Variants in SH3TC2 observed in about 807,000 individuals in gnomAD.
SH3TC2 encodes the protein SH3 domain and tetratricopeptide repeats 2.
A neutral mutation model predicts 124.5 loss-of-function variants in SH3TC2; 87 were observed. The ratio of observed to expected loss-of-function variants is 0.70; its 90% CI spans 0.59 to 0.84. The LOEUF is 0.84. Among genes scored for constraint, SH3TC2 ranks in the 40% least tolerant of loss-of-function variants. The pLI is 0.00. For missense variants in SH3TC2, 1,536 were observed against 1,566.4 expected (o/e 0.98, Z 0.33); for synonymous variants, 634 against 628.5 (o/e 1.01, Z -0.13).
At chr5:149,041,338 T>C in intron 6 of SH3TC2, 78 bp downstream of exon 6, 1 of 1,488,042 alleles carries the variant, frequency 6.7e-7, no homozygotes, top group South Asian at 1.2e-5. Flanking sequence ...TGCCCATATC[T>C]GAAAGCATGC....
chr5:149,013,586 G>A (rs895461219), intron 12 of SH3TC2, among the ~76,000 whole-genome samples: 1 of 152,154 alleles, frequency 6.6e-6, no homozygotes, highest in African/African-American at 2.4e-5. Flanking sequence ...AGATTTTGAT[G>A]TTTTGTTTAT....
At chr5:149,013,049 T>C (rs1161754887) in intron 12 of SH3TC2, among the ~76,000 whole-genome samples, 5 of 152,188 alleles carry the variant, frequency 3.3e-5, no homozygotes, top group Admixed American at 3.3e-4. Context: ...TGGCACCTGA[T>C]GAATGTTTAA....
In SH3TC2 at chr5:148,985,632, C is replaced by T. The variant is rs1410808990; in HGVS notation, c.*19079G>A. Among the ~76,000 whole-genome samples, 1 of 152,106 alleles carries T rather than the reference C, an allele frequency of 6.6e-6. No homozygotes were observed. Among genetic ancestry groups the T allele is most frequent in the Non-Finnish European group, 1.5e-5 (1 of 68,012 alleles). On this transcript the variant is annotated 3_prime_UTR_variant, in exon 17 of 17. Transcript: ENST00000515425. ...CCAGTTTGAAGACATTGGGTTGTTC[C>T]AATTTCTGGCAACTATGAATAAATC...
At chr5:149,061,926 T>C (rs1235466108) in intron 1 of SH3TC2, among the ~76,000 whole-genome samples, 4 of 152,086 alleles carry the variant, frequency 2.6e-5, no homozygotes, top group Non-Finnish European at 5.9e-5. Context: ...CTCCCTGCTG[T>C]AGGTGCCAAG....
chr5:149,061,820 G>A (rs1311675670), intron 1 of SH3TC2, among the ~76,000 whole-genome samples: 1 of 152,132 alleles, frequency 6.6e-6, no homozygotes, highest in African/African-American at 2.4e-5. Context: ...TAGGGGGAGG[G>A]ACTGAAAAGT....
intron 4 of SH3TC2, among the ~76,000 whole-genome samples, chr5:149,043,433 A>G (rs953879668): frequency 2.0e-5 from 3 of 152,202 alleles, no homozygotes; most frequent in Admixed American, 6.5e-5. Context: ...GGCTATAAAC[A>G]TGAACTACTC....
intron 16 of SH3TC2, 49 bp downstream of exon 16, chr5:149,006,832 G>C: frequency 6.4e-7 from 1 of 1,567,416 alleles, no homozygotes; most frequent in South Asian, 1.1e-5. Flanking sequence ...TCAGGAAGGA[G>C]AATGGTTGGG....
intron 7 of SH3TC2, among the ~76,000 whole-genome samples, 183 bp downstream of exon 7, chr5:149,040,421 G>A (rs1355387355): frequency 1.3e-5 from 2 of 152,096 alleles, no homozygotes; most frequent in Non-Finnish European, 2.9e-5. Flanking sequence ...CCCCTGGATT[G>A]AGACCTCTCA....
In SH3TC2 at chr5:149,004,072, G is replaced by T. The variant is rs546856196; in HGVS notation, c.*639C>A. Reference sequence around the variant, plus strand: ...GAAAGCTTCCCTGGAGCTTCTGGGAGGTTATGTGGGAGCACAGCCTTATGG... The same window carrying T: ...GAAAGCTTCCCTGGAGCTTCTGGGATGTTATGTGGGAGCACAGCCTTATGG... On this transcript the variant is annotated 3_prime_UTR_variant, in exon 17 of 17. Transcript: ENST00000515425. 1 of 197,264 alleles carries T rather than the reference G, an allele frequency of 5.1e-6. No homozygotes were observed. The highest frequency in any genetic ancestry group is 5.6e-5 in the Admixed American group (1 of 17,744). The allele number at this position is 197,264 out of a possible 1,614,324, so 12.2% of individuals were successfully genotyped here.
At chr5:149,059,787 A>T (rs946385941) in intron 1 of SH3TC2, among the ~76,000 whole-genome samples, 1 of 152,196 alleles carries the variant, frequency 6.6e-6, no homozygotes. Context: ...TATTAACTAC[A>T]TGGAGAGAGA....
intron 14 of SH3TC2, among the ~76,000 whole-genome samples, chr5:149,009,959 G>A (rs989598107): frequency 3.3e-5 from 5 of 152,122 alleles, no homozygotes; most frequent in Non-Finnish European, 5.9e-5. Flanking sequence ...AAACTCAAAA[G>A]TGTGCTGCAG....
In SH3TC2 at chr5:149,000,194, C is replaced by T. The variant is rs1364807967; in HGVS notation, c.*4517G>A. Reference sequence around the variant, plus strand: ...TACATAATATATCATTTGCCCCTTTCCTGTCACCCAGCTGAATCCCCACTT... The same window carrying T: ...TACATAATATATCATTTGCCCCTTTTCTGTCACCCAGCTGAATCCCCACTT... On this transcript the variant is annotated 3_prime_UTR_variant, in exon 17 of 17. Coordinates refer to ENST00000515425, the MANE Select transcript of SH3TC2 (RefSeq NM_024577.4). 6.6e-6 allele frequency among the ~76,000 whole-genome samples: 1 copy of T among 152,216 alleles called. No individual in the cohort carries two copies. Among genetic ancestry groups the T allele is most frequent in the Non-Finnish European group, 1.5e-5 (1 of 68,040 alleles).
At chr5:149,060,596 G>T (rs116177766) in intron 1 of SH3TC2, among the ~76,000 whole-genome samples, 97 of 152,134 alleles carry the variant, frequency 6.4e-4, no homozygotes, top group African/African-American at 2.1e-3. Context: ...TCACTGTTTT[G>T]GTGTCTGCTG....
intron 1 of SH3TC2, among the ~76,000 whole-genome samples, chr5:149,052,622 A>G (rs1185994970): frequency 1.3e-5 from 2 of 152,150 alleles, no homozygotes; most frequent in African/African-American, 4.8e-5. Flanking sequence ...TGGAGTGGAG[A>G]CAGACATTGG....
In SH3TC2 at chr5:149,047,934, G is replaced by A. The variant is rs1162452583; in HGVS notation, c.207C>T (p.Pro69=). Residue 69 remains proline (P), a synonymous_variant, in exon 3 of 17, where the codon CCC becomes CCT. Transcript: ENST00000515425. ...GCCGCCTCCGAGCAGCTTCCTGTAG[G>A]GGTCCATTTACACACCTCCTGGAGC... ...KSRSRRCVNG[P]LQEAARRRLW... 4.3e-6 allele frequency: 7 copies of A among 1,613,994 alleles called. No homozygotes were observed. The East Asian group carries it at 1.1e-4, about 26-fold the overall frequency.
At chr5:149,020,586 A>G (rs1337808219) in intron 12 of SH3TC2, among the ~76,000 whole-genome samples, 1 of 152,216 alleles carries the variant, frequency 6.6e-6, no homozygotes, top group Admixed American at 6.5e-5. Context: ...CCTACAAGAG[A>G]CATACTTTAG....
chr5:149,024,164 A>G (rs879389282), intron 12 of SH3TC2, among the ~76,000 whole-genome samples: 2 of 152,162 alleles, frequency 1.3e-5, no homozygotes, highest in Non-Finnish European at 2.9e-5. Context: ...GCCCTGAGCA[A>G]AGGAGCCAGG....
chr5:149,010,726 T>C (rs1753770755), intron 13 of SH3TC2, among the ~76,000 whole-genome samples: 2 of 152,144 alleles, frequency 1.3e-5, no homozygotes, highest in African/African-American at 2.4e-5. Context: ...CAACTTTAGA[T>C]AGTATTGTGT....
rs1753511260 is a variant in SH3TC2 at position 148,996,450 on chromosome 5, C to T, written c.*8261G>A. On this transcript the variant is annotated 3_prime_UTR_variant, in exon 17 of 17. Transcript: ENST00000515425. ...TTCTGTTTGCTATCCTTTCCCTCCA[C>T]CCACTACAGCCCCAAAGCTACATGT... is the stretch of plus-strand genomic sequence containing the variant. Among the ~76,000 whole-genome samples, 1 of 152,196 alleles carries T rather than the reference C, an allele frequency of 6.6e-6. No individual in the cohort carries two copies. Among genetic ancestry groups the T allele is most frequent in the East Asian group, 1.9e-4 (1 of 5,198 alleles).
Sources: gnomAD v4.1 joint callset for allele counts (sites outside exome capture counted in the v4.1 genomes callset) on GRCh38, gnomAD v4.1.1 for gene constraint, MANE v1.5 for transcripts, NCBI Gene and HGNC (gene_info 2026-07-23, HGNC 2026-07-21) for gene names.